TTC27: variants seen among roughly 807,000 people sequenced by gnomAD.
TTC27 encodes tetratricopeptide repeat protein 27.
In TTC27, 79 loss-of-function variants were observed where a neutral mutation model predicts 115.9. The ratio of observed to expected loss-of-function variants is 0.68; its 90% CI spans 0.57 to 0.82. The LOEUF (loss-of-function observed/expected upper bound fraction) is 0.82, where lower values mean the gene tolerates loss of function less well. Ranked by LOEUF, TTC27 falls within the 40% of genes least tolerant of loss-of-function variation. The pLI, the probability that TTC27 is intolerant of heterozygous loss-of-function variation, is 0.00. For synonymous variants in TTC27, 401 were observed against 356.0 expected, an observed-to-expected ratio of 1.13 and a Z score of -1.42; for missense variants, 1,054 against 993.1, an observed-to-expected ratio of 1.06 and a Z score of -0.82.
chr2:32,728,283 C>T (rs974799756), intron 10 of TTC27, among the ~76,000 whole-genome samples: 11 of 152,040 alleles, frequency 7.2e-5, no homozygotes, highest in African/African-American at 1.4e-4. Flanking sequence ...TCTTGTGATC[C>T]GCCGGCCTCG....
At chr2:32,646,803 T>TC (rs1286305483) in intron 4 of TTC27, among the ~76,000 whole-genome samples, 1 of 151,838 alleles carries the variant, frequency 6.6e-6, no homozygotes, top group African/African-American at 2.4e-5. Context: ...GACCTTGTGA[T>TC]CCGCCTGCCT....
intron 2 of TTC27, among the ~76,000 whole-genome samples, chr2:32,633,150 G>A (rs536730012): frequency 2.3e-4 from 35 of 152,054 alleles, no homozygotes; most frequent in Admixed American, 3.9e-4. Flanking sequence ...CAACATCAGA[G>A]CTGTTAAAGG....
At chr2:32,666,855 T>A (rs935008575) in intron 7 of TTC27, 87 bp downstream of exon 7, 2 of 1,439,784 alleles carry the variant, frequency 1.4e-6, no homozygotes, top group African/African-American at 2.9e-5. Context: ...ACTGAATGGG[T>A]TGGGGACAGA....
chr2:32,730,824 G>C (rs1160276946), intron 10 of TTC27, among the ~76,000 whole-genome samples: 1 of 151,954 alleles, frequency 6.6e-6, no homozygotes, highest in Non-Finnish European at 1.5e-5. Context: ...GTTTCACCAT[G>C]TTGGCCAGGT....
At chr2:32,693,888 A>G (rs1028117878) in intron 9 of TTC27, among the ~76,000 whole-genome samples, 1 of 152,352 alleles carries the variant, frequency 6.6e-6, no homozygotes, top group Admixed American at 6.5e-5. Flanking sequence ...AAGCACTTAG[A>G]CTAGTGCCTG....
chr2:32,657,132 C>T (rs995938592), intron 5 of TTC27, among the ~76,000 whole-genome samples: 30 of 151,812 alleles, frequency 2.0e-4, no homozygotes, highest in African/African-American at 7.0e-4. Context: ...ACTACAGGTG[C>T]CCACCACCGT....
chr2:32,640,812 A>G (rs1237509394), intron 4 of TTC27, among the ~76,000 whole-genome samples: 4 of 152,028 alleles, frequency 2.6e-5, no homozygotes, highest in Non-Finnish European at 5.9e-5. Context: ...GTGAAACCCC[A>G]TCTCTACTAA....
intron 8 of TTC27, among the ~76,000 whole-genome samples, chr2:32,677,535 C>T (rs571839459): frequency 7.9e-5 from 12 of 152,144 alleles, no homozygotes; most frequent in Admixed American, 1.3e-4. Context: ...CTGCAACCTC[C>T]GCCTCACAAG....
chr2:32,727,938 G>A (rs1173407250), intron 10 of TTC27, among the ~76,000 whole-genome samples: 2 of 151,956 alleles, frequency 1.3e-5, no homozygotes, highest in Non-Finnish European at 2.9e-5. Context: ...AGAGTTTAAA[G>A]GGGTCTTGGA....
Position 32,782,753 on chromosome 2 carries a change from T to A in TTC27, c.1832+75T>A, listed in dbSNP as rs1424456753. On this transcript the variant is annotated intron_variant, in intron 15 of 19. Coordinates refer to ENST00000317907, the MANE Select transcript of TTC27 (RefSeq NM_017735.5). ...TGAGATTTTCTACAACTGAACATTG[T>A]TTCAATGTTTCTCCTTGTTTTACCT... The A allele has an allele frequency of 1.3e-5, 15 of 1,171,966 alleles. No individual in the cohort carries two copies. The East Asian group carries it at 3.1e-4, about 24-fold the overall frequency. 72.6% of individuals were successfully genotyped at this position (1,171,966 alleles called of 1,614,324 possible).
At chr2:32,802,150 T>C (rs1040142751) in intron 16 of TTC27, among the ~76,000 whole-genome samples, 1 of 152,152 alleles carries the variant, frequency 6.6e-6, no homozygotes, top group Non-Finnish European at 1.5e-5. Context: ...GAATTATCTT[T>C]GGAGTAGACT....
intron 10 of TTC27, among the ~76,000 whole-genome samples, chr2:32,719,256 A>C (rs1468294854): frequency 6.6e-6 from 1 of 152,174 alleles, no homozygotes; most frequent in African/African-American, 2.4e-5. Context: ...TAGATGGTGC[A>C]CTCAGGGAGG....
intron 5 of TTC27, among the ~76,000 whole-genome samples, chr2:32,663,725 C>T (rs1293002152): frequency 1.3e-5 from 2 of 152,098 alleles, no homozygotes; most frequent in Non-Finnish European, 2.9e-5. Flanking sequence ...TGCTCTGTCG[C>T]TCAGGCTGGA....
intron 3 of TTC27, among the ~76,000 whole-genome samples, chr2:32,636,375 G>T (rs368995089): frequency 6.6e-6 from 1 of 152,018 alleles, no homozygotes; most frequent in South Asian, 2.1e-4. Context: ...CACCACGCCC[G>T]GCTAATTTTT....
At chr2:32,777,790 G>A in intron 13 of TTC27, 92 bp from the exon 14 acceptor site, 1 of 1,145,802 alleles carries the variant, frequency 8.7e-7, no homozygotes. Context: ...CTTTCTAGGA[G>A]TGTGTTTGTT....
chr2:32,728,037 CTTTTTTTTTTTTTT>C (rs564322443), intron 10 of TTC27, among the ~76,000 whole-genome samples: 1 of 105,326 alleles, frequency 9.5e-6, no homozygotes, highest in Non-Finnish European at 2.0e-5. Context: ...AGGACTGCCT[CTTTTTTTTTTTTTT>C]TTTTTTTTGG....
chr2:32,787,466 T>A (rs1670388655), intron 16 of TTC27, among the ~76,000 whole-genome samples: 1 of 152,234 alleles, frequency 6.6e-6, no homozygotes, highest in Non-Finnish European at 1.5e-5. Flanking sequence ...GGTATCTCTG[T>A]GTGTTCTCTG....
rs1401889685 is a variant in TTC27, at chr2:32,640,492, A to G, written c.537+82A>G. 4.3e-6 allele frequency: 6 copies of G among 1,398,142 alleles called. No individual in the cohort carries two copies. The Admixed American group carries it at 8.1e-5, about 19-fold the overall frequency. 86.6% of individuals were successfully genotyped at this position (1,398,142 alleles called of 1,614,324 possible). On this transcript the variant is annotated intron_variant, in intron 4 of 19. Transcript: ENST00000317907. ...CCAGGCTGTAGATGTGTTGCTGACA[A>G]TGTCTTGGTCTATTTTGTTTTCTAA...
chr2:32,723,041 G>T (rs1023685849), intron 10 of TTC27, among the ~76,000 whole-genome samples: 1 of 152,070 alleles, frequency 6.6e-6, no homozygotes, highest in Non-Finnish European at 1.5e-5. Context: ...ACCTTTACTA[G>T]TGATACTAAA....
Sources: allele counts gnomAD v4.1 joint callset (sites outside exome capture counted in the v4.1 genomes callset), GRCh38; gene constraint gnomAD v4.1.1; transcripts MANE v1.5; gene names NCBI Gene and HGNC (gene_info 2026-07-23, HGNC 2026-07-21).